GCLC: variants seen among roughly 807,000 people sequenced by gnomAD.
The protein encoded by GCLC is glutamate--cysteine ligase catalytic subunit.
Under a neutral mutation model 81.5 loss-of-function variants are expected in GCLC, and 30 were observed. That is an observed-to-expected ratio of 0.37 (90% CI 0.28 to 0.50). GCLC has a LOEUF of 0.50. Ranked by LOEUF, GCLC falls within the 20% of genes least tolerant of loss-of-function variation. GCLC has a pLI of 0.96. For synonymous variants in GCLC, 262 were observed against 273.3 expected (o/e 0.96, Z 0.41); for missense variants, 556 against 777.4 (o/e 0.72, Z 3.39).
chr6:53,536,345 G>A (rs991916010), intron 1 of GCLC, among the ~76,000 whole-genome samples: 10 of 152,278 alleles, frequency 6.6e-5, no homozygotes, highest in African/African-American at 2.4e-4. Context: ...GACATTTTTG[G>A]AGATAATGAA....
In GCLC at chr6:53,544,408, G is replaced by A. The variant is rs112013713; in HGVS notation, c.150+88C>T. ...GGGCGCAGTGGAGAACGCGGACCGC[G>A]ATAGGGCCGGGGGCGTAGGGCAAGA... is the stretch of plus-strand genomic sequence containing the variant. On this transcript the variant is annotated intron_variant, in intron 1 of 15. Coordinates refer to ENST00000650454, the MANE Select transcript of GCLC (RefSeq NM_001498.4). The A allele has an allele frequency of 1.2e-5, 17 of 1,421,836 alleles. No homozygotes were observed. The African/African-American group carries it at 2.2e-4, about 19-fold the overall frequency. The allele number at this position is 1,421,836 out of a possible 1,614,324, so 88.1% of individuals were successfully genotyped here.
intron 12 of GCLC, chr6:53,503,413 T>C (rs1432236618): frequency 1.3e-5 from 2 of 152,236 alleles, no homozygotes; most frequent in Non-Finnish European, 2.9e-5. Flanking sequence ...AGACACTAGA[T>C]AAGACTTCTG....
Position 53,520,958 on chromosome 6 carries a change from T to A in GCLC, c.266A>T (p.His89Leu). 1.2e-6 allele frequency: 2 copies of A among 1,611,666 alleles called. No individual in the cohort carries two copies. Among genetic ancestry groups the A allele is most frequent in the Non-Finnish European group, 8.5e-7 (1 of 1,177,684 alleles). ...QEKGERTNPN[H>L]PTLWRPEYGS... ...ATACTCTGGTCTCCAAAGGGTAGGA[T>A]GGCTACGGAGGAGAAATAACTTAGT... Residue 89 changes from histidine to leucine, a missense_variant and splice_region_variant, in exon 3 of 16, where the codon CAT becomes CTT. Coordinates refer to ENST00000650454, the MANE Select transcript of GCLC (RefSeq NM_001498.4).
At chr6:53,524,186 A>C (rs1203738926) in intron 1 of GCLC, among the ~76,000 whole-genome samples, 1 of 152,208 alleles carries the variant, frequency 6.6e-6, no homozygotes, top group Non-Finnish European at 1.5e-5. Flanking sequence ...CCCAGCATGC[A>C]AAAGCAGGCT....
At chr6:53,514,600 A>G in intron 4 of GCLC, 103 bp from the exon 5 acceptor site, 2 of 855,252 alleles carry the variant, frequency 2.3e-6, no homozygotes, top group Admixed American at 1.7e-5. Context: ...CATACCTCAA[A>G]TTAGTTATCT....
chr6:53,507,631 A>AAT lies in GCLC; in HGVS notation c.946-15_946-14dup. ...TGTTCTTCAATGGCTAAAGATTAAA[A>AAT]ATATATATAAATGAATATGCTATAT... On this transcript the variant is annotated splice_polypyrimidine_tract_variant and intron_variant, in intron 8 of 15. Coordinates refer to ENST00000650454, the MANE Select transcript of GCLC (RefSeq NM_001498.4). 8.4e-7 allele frequency: 1 copy of AAT among 1,186,718 alleles called. No homozygotes were observed. The highest frequency in any genetic ancestry group is 1.2e-6 in the Non-Finnish European group (1 of 802,332). The allele number at this position is 1,186,718 out of a possible 1,614,324, so 73.5% of individuals were successfully genotyped here. A position where few individuals can be genotyped will look rare whatever the true frequency, so the allele number is the denominator to read the frequency against.
chr6:53,530,626 G>A (rs1243608594), intron 1 of GCLC, among the ~76,000 whole-genome samples: 1 of 152,152 alleles, frequency 6.6e-6, no homozygotes, highest in Non-Finnish European at 1.5e-5. Flanking sequence ...GATTAGCTGG[G>A]AAGGCTGCAG....
intron 4 of GCLC, among the ~76,000 whole-genome samples, chr6:53,514,816 T>G (rs761376763): frequency 2.6e-5 from 4 of 152,220 alleles, no homozygotes; most frequent in Admixed American, 6.5e-5. Context: ...TTTCACTGTT[T>G]GCAACATGTC....
chr6:53,533,706 C>G (rs559853146), intron 1 of GCLC, among the ~76,000 whole-genome samples: 24 of 149,976 alleles, frequency 1.6e-4, no homozygotes, highest in African/African-American at 5.4e-4. Flanking sequence ...TATAAACATG[C>G]AATTCAAAAC....
At chr6:53,537,815 T>C (rs1763282227) in intron 1 of GCLC, among the ~76,000 whole-genome samples, 1 of 152,242 alleles carries the variant, frequency 6.6e-6, no homozygotes, top group Non-Finnish European at 1.5e-5. Flanking sequence ...TAAGATATAC[T>C]GGATGTTTTA....
chr6:53,499,013 T>A, intron 15 of GCLC, 46 bp from the exon 16 acceptor site: 3 of 1,187,554 alleles, frequency 2.5e-6, no homozygotes, highest in Non-Finnish European at 3.7e-6. Flanking sequence ...CCACGTAAGT[T>A]TTTTTTTTAA....
chr6:53,511,425 T>C (rs1430628802), intron 6 of GCLC, among the ~76,000 whole-genome samples: 3 of 152,208 alleles, frequency 2.0e-5, no homozygotes, highest in South Asian at 2.1e-4. Context: ...TTTGAGTATG[T>C]GTCATTTTTG....
At chr6:53,510,654 G>GT (rs1244351982) in intron 6 of GCLC, among the ~76,000 whole-genome samples, 1 of 152,156 alleles carries the variant, frequency 6.6e-6, no homozygotes, top group Non-Finnish European at 1.5e-5. Context: ...TAATTTCAGT[G>GT]TTTAAGACTT....
At chr6:53,520,067 T>C (rs1236872250) in intron 3 of GCLC, among the ~76,000 whole-genome samples, 2 of 152,206 alleles carry the variant, frequency 1.3e-5, no homozygotes, top group Admixed American at 6.5e-5. Context: ...ACATCTAGCA[T>C]AGATAAATCA....
intron 12 of GCLC, among the ~76,000 whole-genome samples, chr6:53,502,357 T>C (rs1434435981): frequency 6.6e-6 from 1 of 152,220 alleles, no homozygotes; most frequent in Non-Finnish European, 1.5e-5. Context: ...AGCCTACTTA[T>C]TCCCCTCTGG....
intron 4 of GCLC, among the ~76,000 whole-genome samples, chr6:53,515,174 T>C (rs1007081203): frequency 6.6e-6 from 1 of 152,212 alleles, no homozygotes; most frequent in Non-Finnish European, 1.5e-5. Context: ...AAAATTATGT[T>C]CATCTGGTTT....
At chr6:53,521,027 T>A in intron 2 of GCLC, 67 bp from the exon 3 acceptor site, 4 of 1,276,454 alleles carry the variant, frequency 3.1e-6, no homozygotes, top group Non-Finnish European at 2.3e-6. Context: ...TTTTAAGTTT[T>A]TAAAGTTGCT....
At chr6:53,542,560 C>T (rs1224286620) in intron 1 of GCLC, among the ~76,000 whole-genome samples, 1 of 136,266 alleles carries the variant, frequency 7.3e-6, no homozygotes, top group Non-Finnish European at 1.5e-5. Context: ...CCAAATGGGA[C>T]AAAGATGGAT....
At chr6:53,509,533 A>G in intron 6 of GCLC, 1 of 521,548 alleles carries the variant, frequency 1.9e-6, no homozygotes, top group Non-Finnish European at 3.4e-6. Context: ...AGACACAGAC[A>G]TACGATGATG....
Sources: gnomAD v4.1 joint callset for allele counts (sites outside exome capture counted in the v4.1 genomes callset) on GRCh38, gnomAD v4.1.1 for gene constraint, MANE v1.5 for transcripts, NCBI Gene and HGNC (gene_info 2026-07-23, HGNC 2026-07-21) for gene names.